The following PPTC7 variants were observed in gnomAD, a reference collection of about 807,000 sequenced individuals.
PPTC7 encodes the protein protein phosphatase targeting COQ7.
PPTC7 carries 6 observed loss-of-function variants against 30.8 expected under a neutral mutation model. The ratio of observed to expected loss-of-function variants is 0.19; its 90% CI spans 0.11 to 0.38. PPTC7 has a LOEUF of 0.38. Among genes scored for constraint, PPTC7 ranks in the 10% least tolerant of loss-of-function variants. The pLI, the probability that PPTC7 is intolerant of heterozygous loss-of-function variation, is 1.00. For synonymous variants in PPTC7, 163 were observed against 168.1 expected (o/e 0.97, Z 0.23); for missense variants, 218 against 404.8 (o/e 0.54, Z 3.96).
At chr12:110,566,498 C>A (rs570522037) in intron 1 of PPTC7, among the ~76,000 whole-genome samples, 1 of 152,276 alleles carries the variant, frequency 6.6e-6, no homozygotes, top group South Asian at 2.1e-4. Context: ...TGAATGGAGT[C>A]GTATCCTCGA....
intron 1 of PPTC7, among the ~76,000 whole-genome samples, chr12:110,555,826 G>A (rs898613816): frequency 6.6e-6 from 1 of 152,154 alleles, no homozygotes; most frequent in Non-Finnish European, 1.5e-5. Flanking sequence ...AACTTCTTTG[G>A]AGAAACTCTT....
chr12:110,566,122 A>T (rs528484449), intron 1 of PPTC7, among the ~76,000 whole-genome samples: 2 of 151,410 alleles, frequency 1.3e-5, no homozygotes, highest in South Asian at 4.2e-4. Flanking sequence ...TCTCACCATT[A>T]ATCAGCGCAA....
chr12:110,539,711 T>C, intron 4 of PPTC7, 111 bp downstream of exon 4: 2 of 1,026,014 alleles, frequency 1.9e-6, no homozygotes, highest in Non-Finnish European at 2.8e-6. Flanking sequence ...TTCCTGAAAT[T>C]CACAAAATAG....
At chr12:110,563,032 T>G (rs887484012) in intron 1 of PPTC7, among the ~76,000 whole-genome samples, 1 of 143,182 alleles carries the variant, frequency 7.0e-6, no homozygotes, top group Non-Finnish European at 1.5e-5. Flanking sequence ...TGAGACAGAA[T>G]TGCCTGAACC....
At chr12:110,540,484 T>C (rs2064250851) in intron 3 of PPTC7, among the ~76,000 whole-genome samples, 1 of 151,786 alleles carries the variant, frequency 6.6e-6, no homozygotes, top group African/African-American at 2.4e-5. Flanking sequence ...ATAGTGCCTG[T>C]AGGACCACAG....
chr12:110,564,083 T>G (rs2064460510), intron 1 of PPTC7, among the ~76,000 whole-genome samples: 1 of 152,366 alleles, frequency 6.6e-6, no homozygotes, highest in Non-Finnish European at 1.5e-5. Flanking sequence ...GAATCACTGG[T>G]CTGCCTTCCA....
At position 110,546,216 on chromosome 12, in the gene PPTC7, C is replaced by T. The variant is rs550830560; in HGVS notation, c.404-138G>A. On this transcript the variant is annotated intron_variant, in intron 2 of 5. Transcript: ENST00000354300. ...AAACAGGACCTTTCTTAGTTATGCT[C>T]CACATCCTCTACGAATATCAATAAA... 1.4e-5 allele frequency: 9 copies of T among 657,118 alleles called. No homozygotes were observed. In the African/African-American group the frequency reaches 1.4e-4, roughly 11 times the overall value. 40.7% of individuals were successfully genotyped at this position (657,118 alleles called of 1,614,324 possible).
chr12:110,545,865 G>A lies in PPTC7; in HGVS notation c.602+15C>T, dbSNP rs1277349077. On this transcript the variant is annotated intron_variant, in intron 3 of 5. Transcript: ENST00000354300. ...CACGTCCTGCTCACACTTAATGGCTGAGAGGGGAGATTACCTGTCGCTCAA... is the reference window on the plus strand; with the variant it reads ...CACGTCCTGCTCACACTTAATGGCTAAGAGGGGAGATTACCTGTCGCTCAA... The A allele has an allele frequency of 6.2e-7, 1 of 1,612,176 alleles. No individual in the cohort carries two copies. Among genetic ancestry groups the A allele is most frequent in the African/African-American group, 1.3e-5 (1 of 74,896 alleles).
rs540176100 is a variant in PPTC7 at position 110,583,282 on chromosome 12, G to GGCC, written c.-254_-252dup. The GGCC allele has an allele frequency of 4.1e-3, 643 of 155,838 alleles. 7 individuals are homozygous for GGCC. The highest frequency in any genetic ancestry group is 0.015 in the African/African-American group (571 of 39,378). 9.7% of individuals were successfully genotyped at this position (155,838 alleles called of 1,614,324 possible). A position where few individuals can be genotyped will look rare whatever the true frequency, so the allele number is the denominator to read the frequency against. ...GCCCAACTGAAGTCCCGGCTGCAGC[G>GGCC]GCCGCCGCCGCCGCCGCCATCTTCC... On this transcript the variant is annotated 5_prime_UTR_variant, in exon 1 of 6. Transcript: ENST00000354300.
At chr12:110,543,304 C>T (rs949639853) in intron 3 of PPTC7, among the ~76,000 whole-genome samples, 1 of 152,012 alleles carries the variant, frequency 6.6e-6, no homozygotes, top group African/African-American at 2.4e-5. Flanking sequence ...TGCAGGGAAC[C>T]GACTTTCACT....
At chr12:110,564,813 A>G (rs2064467981) in intron 1 of PPTC7, among the ~76,000 whole-genome samples, 2 of 119,166 alleles carry the variant, frequency 1.7e-5, no homozygotes, top group Middle Eastern at 8.9e-3. Flanking sequence ...ACGTATATGT[A>G]TATGTGTATA....
rs763583848 is a variant in PPTC7, at chr12:110,538,282, A to G, written c.727-9T>C. 9 of 1,612,534 alleles carry G rather than the reference A, an allele frequency of 5.6e-6. No individual in the cohort carries two copies. Among genetic ancestry groups the G allele is most frequent in the Non-Finnish European group, 7.6e-6 (9 of 1,178,672 alleles). ...CTCTCATAATTTGAATTCTAAGATA[A>G]AGCATGAGGAAGTTATTTTACCATA... is the stretch of plus-strand genomic sequence containing the variant. On this transcript the variant is annotated splice_polypyrimidine_tract_variant and intron_variant, in intron 4 of 5. Coordinates refer to ENST00000354300, the MANE Select transcript of PPTC7 (RefSeq NM_139283.2).
At chr12:110,571,137 C>G (rs375999488) in intron 1 of PPTC7, among the ~76,000 whole-genome samples, 1 of 150,412 alleles carries the variant, frequency 6.6e-6, no homozygotes, top group East Asian at 1.9e-4. Context: ...TCGGAAGAAG[C>G]TAGGGTGATA....
At chr12:110,579,838 C>A (rs751248203) in intron 1 of PPTC7, among the ~76,000 whole-genome samples, 5 of 152,046 alleles carry the variant, frequency 3.3e-5, no homozygotes, top group African/African-American at 1.2e-4. Flanking sequence ...CATGATGAAA[C>A]CCCGTTTGTA....
At chr12:110,541,700 C>CAAAAAAAAAAAAAA (rs748911395) in intron 3 of PPTC7, among the ~76,000 whole-genome samples, 1 of 66,480 alleles carries the variant, frequency 1.5e-5, no homozygotes. Context: ...AACTCCGTCT[C>CAAAAAAAAAAAAAA]AAAAAAAAAA....
intron 5 of PPTC7, among the ~76,000 whole-genome samples, chr12:110,537,612 T>C (rs1023129948): frequency 6.6e-6 from 1 of 152,222 alleles, no homozygotes; most frequent in Non-Finnish European, 1.5e-5. Flanking sequence ...AGCACCAACA[T>C]GTCCCAGCCC....
chr12:110,541,753 T>C (rs2064261919), intron 3 of PPTC7, among the ~76,000 whole-genome samples: 1 of 151,978 alleles, frequency 6.6e-6, no homozygotes, highest in African/African-American at 2.4e-5. Flanking sequence ...CTACAGTATT[T>C]TGGCATAGTA....
Position 110,551,841 on chromosome 12 carries a change from T to A in PPTC7, c.351A>T (p.Gly117=). ...ACTCACAGTAGCTTGTGGTGAGAAT[T>A]CCAATGGGATTACTAGGTACGAACC... The part of the protein sequence containing the change: ...EGRFVPSNPI[G]ILTTSYCELL... The change falls in exon 2 of 6, where the codon GGA becomes GGT. Residue 117 remains glycine, a synonymous_variant. Coordinates refer to ENST00000354300, the MANE Select transcript of PPTC7 (RefSeq NM_139283.2). 6.2e-7 allele frequency: 1 copy of A among 1,614,194 alleles called. No individual in the cohort carries two copies. Among genetic ancestry groups the A allele is most frequent in the Non-Finnish European group, 8.5e-7 (1 of 1,180,020 alleles).
chr12:110,538,531 T>G (rs955755726), intron 4 of PPTC7, among the ~76,000 whole-genome samples: 6 of 152,222 alleles, frequency 3.9e-5, no homozygotes, highest in African/African-American at 1.4e-4. Context: ...TAAGGTATTC[T>G]TGCTAAAATA....
Sources: gnomAD v4.1 joint callset for allele counts (sites outside exome capture counted in the v4.1 genomes callset) on GRCh38, gnomAD v4.1.1 for gene constraint, MANE v1.5 for transcripts, NCBI Gene and HGNC (gene_info 2026-07-23, HGNC 2026-07-21) for gene names.